ADAMTS6: variants seen among roughly 807,000 people sequenced by gnomAD.
ADAMTS6 encodes ADAM metallopeptidase with thrombospondin type 1 motif 6.
ADAMTS6 carries 23 observed loss-of-function variants against 144.3 expected under a neutral mutation model. The observed-to-expected ratio is 0.16, with a 90% confidence interval of 0.11 to 0.23. ADAMTS6 has a LOEUF of 0.23. Ranked by LOEUF, ADAMTS6 falls within the 10% of genes least tolerant of loss-of-function variation. The pLI is 1.00. For missense variants in ADAMTS6, 999 were observed against 1,379.6 expected, an observed-to-expected ratio of 0.72 and a Z score of 4.37; for synonymous variants, 444 against 457.5, an observed-to-expected ratio of 0.97 and a Z score of 0.38.
rs544685595 is a variant in ADAMTS6, at chr5:65,200,779, G to A, written c.2576-3628C>T. Among the ~76,000 whole-genome samples the A allele has an allele frequency of 2.0e-5, 3 of 151,924 alleles. No individual in the cohort carries two copies. In the East Asian group the frequency reaches 5.8e-4, roughly 29 times the overall value. ...AAAAAAAGTAATGGCTTCATATTAC[G>A]AAAGTTAATTATAAGAGATGATATT... On this transcript the variant is annotated intron_variant, in intron 20 of 24. Transcript: ENST00000381055.
intron 7 of ADAMTS6, among the ~76,000 whole-genome samples, chr5:65,371,050 T>C (rs1333929489): frequency 6.6e-6 from 1 of 152,082 alleles, no homozygotes; most frequent in Admixed American, 6.6e-5. Context: ...CCAACAGACC[T>C]GCAGCTGAGT....
chr5:65,240,494 A>T (rs1469351324), intron 15 of ADAMTS6, among the ~76,000 whole-genome samples: 2 of 152,110 alleles, frequency 1.3e-5, no homozygotes, highest in South Asian at 2.1e-4. Flanking sequence ...TCCCCCCAAA[A>T]CCCGTATGTT....
Position 65,473,569 on chromosome 5 carries a change from A to G in ADAMTS6, c.97+8T>C. On this transcript the variant is annotated splice_region_variant and intron_variant, in intron 2 of 24. Transcript: ENST00000381055. The stretch of plus-strand genomic sequence containing the variant: ...ATTTTTTGTCAGTTTCAAAAGCAAG[A>G]ATCCTACCTTGAGAACTGTATGAAA... The G allele has an allele frequency of 6.2e-7, 1 of 1,603,306 alleles. No individual in the cohort carries two copies. The highest frequency in any genetic ancestry group is 1.1e-5 in the South Asian group (1 of 89,326).
intron 18 of ADAMTS6, among the ~76,000 whole-genome samples, chr5:65,219,478 A>G (rs934405088): frequency 1.6e-4 from 25 of 152,252 alleles, no homozygotes; most frequent in Non-Finnish European, 3.2e-4. Context: ...GTACCTACAT[A>G]TGAAAAGTGA....
chr5:65,396,813 T>C (rs72760572), intron 7 of ADAMTS6, among the ~76,000 whole-genome samples: 4,973 of 152,352 alleles, frequency 0.033, 154 homozygotes, highest in East Asian at 0.1. Flanking sequence ...TTTCTTATAA[T>C]GTCTCTGTCA....
intron 24 of ADAMTS6, among the ~76,000 whole-genome samples, chr5:65,164,449 G>C (rs1319414105): frequency 6.8e-6 from 1 of 146,442 alleles, no homozygotes; most frequent in Admixed American, 6.8e-5. Context: ...CAGCGAGGCT[G>C]GGGGAGGGGC....
intron 7 of ADAMTS6, among the ~76,000 whole-genome samples, chr5:65,336,583 T>C (rs1747331018): frequency 6.6e-6 from 1 of 152,042 alleles, no homozygotes; most frequent in Non-Finnish European, 1.5e-5. Context: ...ATAAGGGTAA[T>C]AAATTCTGTC....
chr5:65,433,631 A>G (rs959289656), intron 7 of ADAMTS6, among the ~76,000 whole-genome samples: 4 of 152,214 alleles, frequency 2.6e-5, no homozygotes, highest in African/African-American at 9.6e-5. Context: ...CAAATAGACA[A>G]TGAATAAATT....
At chr5:65,364,962 C>A (rs1750170345) in intron 7 of ADAMTS6, among the ~76,000 whole-genome samples, 2 of 152,092 alleles carry the variant, frequency 1.3e-5, no homozygotes, top group African/African-American at 4.8e-5. Context: ...TAATGAAGAT[C>A]TGCATCATTT....
At chr5:65,417,782 T>C (rs925653053) in intron 7 of ADAMTS6, among the ~76,000 whole-genome samples, 1 of 152,218 alleles carries the variant, frequency 6.6e-6, no homozygotes, top group Non-Finnish European at 1.5e-5. Context: ...ATCAATATTC[T>C]TAAAATGGCC....
intron 7 of ADAMTS6, among the ~76,000 whole-genome samples, chr5:65,384,986 G>T (rs1458820265): frequency 6.6e-6 from 1 of 152,110 alleles, no homozygotes; most frequent in Non-Finnish European, 1.5e-5. Flanking sequence ...ATCTTCACAT[G>T]GTAGAAGGCA....
At chr5:65,216,367 ATG>A (rs1050468764) in intron 18 of ADAMTS6, among the ~76,000 whole-genome samples, 2 of 150,630 alleles carry the variant, frequency 1.3e-5, no homozygotes, top group Non-Finnish European at 2.9e-5. Flanking sequence ...TCTATATAAA[ATG>A]TCCAGAGTAG....
chr5:65,311,707 A>G (rs1253544846), intron 9 of ADAMTS6, among the ~76,000 whole-genome samples: 1 of 151,974 alleles, frequency 6.6e-6, no homozygotes, highest in East Asian at 1.9e-4. Context: ...ATAATAGCTT[A>G]CTCTTGATTT....
At chr5:65,273,489 A>G (rs751351415) in intron 11 of ADAMTS6, 42 bp from the exon 12 acceptor site, 1 of 1,488,384 alleles carries the variant, frequency 6.7e-7, no homozygotes, top group Admixed American at 1.7e-5. Flanking sequence ...AAATAGAGTC[A>G]TGTCCAATTC....
chr5:65,257,967 T>C (rs1031356142), intron 14 of ADAMTS6, among the ~76,000 whole-genome samples: 10 of 152,214 alleles, frequency 6.6e-5, no homozygotes, highest in Non-Finnish European at 1.2e-4. Flanking sequence ...TAATATACAA[T>C]AGGCATTCAA....
intron 24 of ADAMTS6, among the ~76,000 whole-genome samples, chr5:65,155,892 T>G (rs967783473): frequency 6.6e-6 from 1 of 152,210 alleles, no homozygotes; most frequent in African/African-American, 2.4e-5. Context: ...CTATGTTTTT[T>G]AAAAGGAGGT....
rs201988117 is a variant in ADAMTS6 at position 65,371,959 on chromosome 5, G to A, written c.1074-37874C>T. On this transcript the variant is annotated intron_variant, in intron 7 of 24. Coordinates refer to ENST00000381055, the MANE Select transcript of ADAMTS6 (RefSeq NM_197941.4). ...CTCTACAAGCCAGAAGAGAGTGGGC[G>A]CCAATATTCAACATTCTTAAAGAAA... Among the ~76,000 whole-genome samples the A allele has an allele frequency of 3.0e-4, 45 of 152,170 alleles. 1 individual carries two copies. The East Asian group carries it at 7.5e-3, about 25-fold the overall frequency.
At chr5:65,400,370 A>G (rs1753816674) in intron 7 of ADAMTS6, among the ~76,000 whole-genome samples, 2 of 151,862 alleles carry the variant, frequency 1.3e-5, no homozygotes, top group African/African-American at 2.4e-5. Context: ...ACTACTGCAT[A>G]TGGCTTTTTC....
chr5:65,373,199 T>G (rs1175769448), intron 7 of ADAMTS6, among the ~76,000 whole-genome samples: 2 of 148,014 alleles, frequency 1.4e-5, no homozygotes, highest in Non-Finnish European at 3.0e-5. Flanking sequence ...TTAAAAGAAC[T>G]AGAAAAGCAA....
Sources: gnomAD v4.1 joint callset for allele counts (sites outside exome capture counted in the v4.1 genomes callset) on GRCh38, gnomAD v4.1.1 for gene constraint, MANE v1.5 for transcripts, NCBI Gene and HGNC (gene_info 2026-07-23, HGNC 2026-07-21) for gene names.